Variants in RPSA2 observed in about 807,000 individuals in gnomAD.
The protein encoded by RPSA2 is small ribosomal subunit protein uS2B.
the RPSA2 span, among the ~76,000 whole-genome samples, chr19:23,869,851 T>A: frequency 6.6e-6 from 1 of 152,226 alleles, no homozygotes; most frequent in East Asian, 1.9e-4. Context: ...TAATGTCACA[T>A]TTGTAAAGAA....
the RPSA2 span, among the ~76,000 whole-genome samples, chr19:23,866,422 G>T: frequency 6.6e-6 from 1 of 152,152 alleles, no homozygotes; most frequent in African/African-American, 2.4e-5. Flanking sequence ...AAACCCTAAA[G>T]TGGGAGAATG....
the RPSA2 span, among the ~76,000 whole-genome samples, chr19:23,819,979 C>T: frequency 5.9e-5 from 9 of 152,314 alleles, no homozygotes; most frequent in African/African-American, 2.2e-4. Flanking sequence ...CAGTCGAAAT[C>T]CAGGGATAAT....
chr19:23,798,050 G>A, the RPSA2 span, among the ~76,000 whole-genome samples: 1 of 151,524 alleles, frequency 6.6e-6, no homozygotes, highest in Admixed American at 6.6e-5. Flanking sequence ...ATAAATCTTT[G>A]TTATGTATTT....
At chr19:23,826,262 A>G in the RPSA2 span, among the ~76,000 whole-genome samples, 1 of 149,940 alleles carries the variant, frequency 6.7e-6, no homozygotes, top group South Asian at 2.1e-4. Context: ...GGCATGATTC[A>G]CCTCACTGCA....
the RPSA2 span, among the ~76,000 whole-genome samples, chr19:23,763,870 C>G: frequency 1.3e-5 from 2 of 152,010 alleles, no homozygotes; most frequent in African/African-American, 4.8e-5. Flanking sequence ...AGTATGTGGC[C>G]CACCTGAGAG....
chr19:23,810,394 C>CAAA, the RPSA2 span, among the ~76,000 whole-genome samples: 28 of 13,040 alleles, frequency 2.1e-3, no homozygotes, highest in African/African-American at 8.3e-3. Context: ...ACTCCCTCTC[C>CAAA]AAAAAAAAAA....
chr19:23,868,856 A>G, the RPSA2 span, among the ~76,000 whole-genome samples: 1 of 152,144 alleles, frequency 6.6e-6, no homozygotes, highest in South Asian at 2.1e-4. Flanking sequence ...TCCCTCTGGT[A>G]TGGGCCATGA....
the RPSA2 span, among the ~76,000 whole-genome samples, chr19:23,867,277 G>A: frequency 6.6e-6 from 1 of 152,334 alleles, no homozygotes; most frequent in Admixed American, 6.5e-5. Context: ...GCAGCTCAAA[G>A]TGTTCAACGG....
chr19:23,780,680 A>G, the RPSA2 span, among the ~76,000 whole-genome samples: 1 of 152,130 alleles, frequency 6.6e-6, no homozygotes, highest in Non-Finnish European at 1.5e-5. Context: ...ACTGACTATC[A>G]TTTGTGAACA....
chr19:23,827,366 G>A, the RPSA2 span: 3,553 of 1,574,890 alleles, frequency 2.3e-3, 74 homozygotes, highest in African/African-American at 0.04. Context: ...TGTTGCCATT[G>A]AAAACCCTGC....
At chr19:23,867,425 T>C in the RPSA2 span, among the ~76,000 whole-genome samples, 131 of 152,334 alleles carry the variant, frequency 8.6e-4, 1 homozygote, top group Non-Finnish European at 1.3e-3. Context: ...ATGAAAACTT[T>C]AATAACCTAG....
At chr19:23,841,023 C>A in the RPSA2 span, among the ~76,000 whole-genome samples, 1 of 149,608 alleles carries the variant, frequency 6.7e-6, no homozygotes, top group African/African-American at 2.5e-5. Flanking sequence ...TTGAACTTTA[C>A]ATAAAACATG....
chr19:23,843,237 G>T, the RPSA2 span: 1 of 261,650 alleles, frequency 3.8e-6, no homozygotes, highest in Admixed American at 3.8e-5. Flanking sequence ...AAAGAACCCT[G>T]GTATGTAAAG....
At chr19:23,828,646 G>T in the RPSA2 span, among the ~76,000 whole-genome samples, 1 of 147,546 alleles carries the variant, frequency 6.8e-6, no homozygotes, top group Non-Finnish European at 1.5e-5. Flanking sequence ...TAAAAAATTT[G>T]ATAAGACTTC....
chr19:23,776,910 G>A, the RPSA2 span, among the ~76,000 whole-genome samples: 3 of 152,142 alleles, frequency 2.0e-5, no homozygotes, highest in African/African-American at 4.8e-5. Flanking sequence ...CTCCTACCCT[G>A]TGTTTGCCTA....
the RPSA2 span, among the ~76,000 whole-genome samples, chr19:23,792,646 C>T: frequency 6.8e-6 from 1 of 147,994 alleles, no homozygotes; most frequent in Non-Finnish European, 1.5e-5. Flanking sequence ...TCCTGAGTAG[C>T]TGGAATTACA....
chr19:23,812,429 T>C, the RPSA2 span, among the ~76,000 whole-genome samples: 2 of 126,352 alleles, frequency 1.6e-5, no homozygotes, highest in African/African-American at 6.4e-5. Context: ...GGGGTTTTGC[T>C]CTTGTTGCTG....
chr19:23,794,868 G>A, the RPSA2 span, among the ~76,000 whole-genome samples: 149 of 152,048 alleles, frequency 9.8e-4, no homozygotes, highest in African/African-American at 3.2e-3. Context: ...TTTGTATATG[G>A]TGTAATAAAG....
At chr19:23,778,805 G>A in the RPSA2 span, among the ~76,000 whole-genome samples, 14 of 152,136 alleles carry the variant, frequency 9.2e-5, no homozygotes, top group African/African-American at 3.1e-4. Context: ...TATGTGATAA[G>A]ACTCTTCATT....
Sources: allele counts gnomAD v4.1 joint callset (sites outside exome capture counted in the v4.1 genomes callset), GRCh38; gene constraint gnomAD v4.1.1; transcripts MANE v1.5; gene names NCBI Gene and HGNC (gene_info 2026-07-23, HGNC 2026-07-21).